The following XRRA1 variants were observed in gnomAD, a reference collection of about 807,000 sequenced individuals.
XRRA1 encodes X-ray radiation resistance-associated protein 1.
A neutral mutation model predicts 80.2 loss-of-function variants in XRRA1; 69 were observed. The observed-to-expected ratio is 0.86, with a 90% CI of 0.71 to 1.05. The LOEUF (loss-of-function observed/expected upper bound fraction) is 1.05, where lower values mean the gene tolerates loss of function less well. XRRA1 is among the 50% of genes least tolerant of loss of function. XRRA1 has a pLI of 0.00. For synonymous variants in XRRA1, 348 were observed against 389.9 expected (o/e 0.89, Z 1.27); for missense variants, 967 against 976.4 (o/e 0.99, Z 0.13).
chr11:74,885,413 A>G (rs1029203792), intron 10 of XRRA1, among the ~76,000 whole-genome samples: 2 of 152,230 alleles, frequency 1.3e-5, no homozygotes, highest in African/African-American at 4.8e-5. Flanking sequence ...CACTGACCCC[A>G]CAGAATTACA....
At chr11:74,876,000 T>G (rs779749719) in intron 10 of XRRA1, among the ~76,000 whole-genome samples, 34 of 152,220 alleles carry the variant, frequency 2.2e-4, no homozygotes, top group Non-Finnish European at 1.6e-4. Flanking sequence ...CAATACATCC[T>G]GGTATGGGTA....
chr11:74,917,383 TG>T (rs1252384424), intron 8 of XRRA1, among the ~76,000 whole-genome samples: 1 of 151,840 alleles, frequency 6.6e-6, no homozygotes, highest in Admixed American at 6.5e-5. Context: ...AATCTTCCCC[TG>T]GAAGACGTAA....
chr11:74,867,374 A>G (rs2043681423), intron 10 of XRRA1, among the ~76,000 whole-genome samples: 1 of 152,202 alleles, frequency 6.6e-6, no homozygotes. Context: ...GGCCATGTTA[A>G]GAAAGAAGCA....
chr11:74,843,555 G>T, intron 18 of XRRA1, 102 bp from the exon 19 acceptor site: 1 of 1,466,248 alleles, frequency 6.8e-7, no homozygotes, highest in Non-Finnish European at 9.1e-7. Flanking sequence ...ATGGGATGGT[G>T]TGGCAGGAGG....
At chr11:74,933,687 G>T in intron 5 of XRRA1, 114 bp downstream of exon 5, 1 of 866,926 alleles carries the variant, frequency 1.2e-6, no homozygotes, top group South Asian at 1.6e-5. Context: ...CCTTCTTCGT[G>T]ACCAGATTTC....
At chr11:74,882,545 G>A (rs1484663291) in intron 10 of XRRA1, among the ~76,000 whole-genome samples, 1 of 152,198 alleles carries the variant, frequency 6.6e-6, no homozygotes, top group Non-Finnish European at 1.5e-5. Flanking sequence ...TTGTTCCGTT[G>A]CTGGTGAGGA....
intron 10 of XRRA1, among the ~76,000 whole-genome samples, chr11:74,903,575 C>A (rs529706703): frequency 2.6e-5 from 4 of 152,080 alleles, no homozygotes; most frequent in East Asian, 3.8e-4. Context: ...TGGTGGCGGG[C>A]GCTTGTAGTC....
At chr11:74,944,193 C>G (rs1177109832) in intron 2 of XRRA1, among the ~76,000 whole-genome samples, 1 of 152,102 alleles carries the variant, frequency 6.6e-6, no homozygotes, top group East Asian at 1.9e-4. Flanking sequence ...GAAGGGGTAC[C>G]TTCAATGGAC....
intron 10 of XRRA1, among the ~76,000 whole-genome samples, chr11:74,872,256 C>T (rs2136271378): frequency 6.6e-6 from 1 of 152,290 alleles, no homozygotes; most frequent in South Asian, 2.1e-4. Context: ...GAGAGAAGCA[C>T]TAATAAAACA....
intron 10 of XRRA1, among the ~76,000 whole-genome samples, chr11:74,895,471 A>C (rs1181846673): frequency 6.6e-6 from 1 of 152,226 alleles, no homozygotes; most frequent in African/African-American, 2.4e-5. Flanking sequence ...ATGGAGTTCT[A>C]GATAAACTTG....
intron 12 of XRRA1, among the ~76,000 whole-genome samples, chr11:74,854,004 G>A (rs76998200): frequency 0.05 from 7,551 of 152,156 alleles, 304 homozygotes; most frequent in Non-Finnish European, 0.071. Flanking sequence ...GCGGAGGATG[G>A]GGAGGTACAA....
At chr11:74,861,386 G>A (rs537667125) in intron 11 of XRRA1, among the ~76,000 whole-genome samples, 4 of 152,154 alleles carry the variant, frequency 2.6e-5, no homozygotes, top group Non-Finnish European at 5.9e-5. Context: ...ATCAGCAGTG[G>A]CATTAGATTC....
At chr11:74,898,851 C>T (rs2137760167) in intron 10 of XRRA1, among the ~76,000 whole-genome samples, 1 of 152,152 alleles carries the variant, frequency 6.6e-6, no homozygotes, top group African/African-American at 2.4e-5. Context: ...ACAGATCTCC[C>T]AGACAGAAAA....
intron 7 of XRRA1, among the ~76,000 whole-genome samples, chr11:74,923,640 T>C (rs1450825627): frequency 6.6e-6 from 1 of 152,178 alleles, no homozygotes; most frequent in East Asian, 1.9e-4. Flanking sequence ...AATGGATCCC[T>C]ATTCTCCTTA....
At chr11:74,937,740 C>T (rs1188794690) in intron 3 of XRRA1, among the ~76,000 whole-genome samples, 1 of 152,234 alleles carries the variant, frequency 6.6e-6, no homozygotes, top group African/African-American at 2.4e-5. Flanking sequence ...TTCTTTCTCG[C>T]ACCAGCAGTT....
At chr11:74,881,499 T>C (rs1193702093) in intron 10 of XRRA1, among the ~76,000 whole-genome samples, 3 of 150,424 alleles carry the variant, frequency 2.0e-5, no homozygotes, top group African/African-American at 7.4e-5. Flanking sequence ...AATTTGATCC[T>C]GTCATTATGA....
chr11:74,933,099 G>C (rs747990197), intron 5 of XRRA1, among the ~76,000 whole-genome samples: 1 of 152,128 alleles, frequency 6.6e-6, no homozygotes, highest in Non-Finnish European at 1.5e-5. Flanking sequence ...AGTTAGGAAC[G>C]AACCAGCTTC....
chr11:74,851,333 C>T (rs7928381), intron 13 of XRRA1, 130 bp from the exon 14 acceptor site: 207,372 of 584,748 alleles, frequency 0.35, 41,370 homozygotes, highest in African/African-American at 0.62. Context: ...GGAGGTAGGT[C>T]GAGAATTCCT....
intron 10 of XRRA1, among the ~76,000 whole-genome samples, chr11:74,883,443 C>G (rs1264415732): frequency 1.3e-5 from 2 of 151,766 alleles, no homozygotes; most frequent in Admixed American, 6.6e-5. Flanking sequence ...CCCGGTACCT[C>G]AGATGGAAAT....
Sources: allele counts gnomAD v4.1 joint callset (sites outside exome capture counted in the v4.1 genomes callset), GRCh38; gene constraint gnomAD v4.1.1; transcripts MANE v1.5; gene names NCBI Gene and HGNC (gene_info 2026-07-23, HGNC 2026-07-21).